MEIKIN: variants seen among roughly 807,000 people sequenced by gnomAD.
MEIKIN encodes meiotic kinetochore factor.
rs572984038 is a variant in MEIKIN at position 131,845,242 on chromosome 5, C to A, written c.975+6022G>T. Among the ~76,000 whole-genome samples, 31 of 134,094 alleles carry A rather than the reference C, an allele frequency of 2.3e-4. No homozygotes were observed. The East Asian group carries it at 5.8e-3, about 25-fold the overall frequency. 88.0% of individuals were successfully genotyped at this position (134,094 alleles called of 152,430 possible). A position where few individuals can be genotyped will look rare whatever the true frequency, so the allele number is the denominator to read the frequency against. ...CCGAGATGGCACCACTGCACTCCAG[C>A]CTGGGTGACAGAGCGAGAAGACTTC... On this transcript the variant is annotated intron_variant, in intron 11 of 12. Transcript: ENST00000442687.
chr5:131,810,927 C>A (rs1772941307), intron 12 of MEIKIN, among the ~76,000 whole-genome samples: 1 of 152,160 alleles, frequency 6.6e-6, no homozygotes, highest in African/African-American at 2.4e-5. Context: ...GCCAAAATAG[C>A]TAAAACTTTA....
intron 6 of MEIKIN, among the ~76,000 whole-genome samples, chr5:131,919,591 T>G (rs747692102): frequency 2.8e-4 from 43 of 152,142 alleles, no homozygotes; most frequent in Non-Finnish European, 4.9e-4. Context: ...GTGGAGTGAT[T>G]TCCAGTACAT....
intron 8 of MEIKIN, among the ~76,000 whole-genome samples, chr5:131,888,693 G>T (rs1473972274): frequency 1.3e-5 from 2 of 152,132 alleles, no homozygotes; most frequent in African/African-American, 4.8e-5. Context: ...TTCTTTTGCT[G>T]TGCAGAAGCT....
intron 10 of MEIKIN, among the ~76,000 whole-genome samples, chr5:131,853,133 G>C (rs926723494): frequency 6.6e-6 from 1 of 152,118 alleles, no homozygotes; most frequent in African/African-American, 2.4e-5. Context: ...ATTGCTTATG[G>C]TAAAAATAAT....
At chr5:131,916,178 G>A (rs1751413307) in intron 7 of MEIKIN, among the ~76,000 whole-genome samples, 1 of 152,044 alleles carries the variant, frequency 6.6e-6, no homozygotes, top group Non-Finnish European at 1.5e-5. Context: ...ATTATAAATT[G>A]TGGAAGGAAT....
At chr5:131,823,501 T>G (rs1268368899) in intron 11 of MEIKIN, among the ~76,000 whole-genome samples, 1 of 152,046 alleles carries the variant, frequency 6.6e-6, no homozygotes, top group Non-Finnish European at 1.5e-5. Context: ...TATGCCAAAT[T>G]GCAGTTTTCA....
At position 131,807,111 on chromosome 5, in the gene MEIKIN, T is replaced by A; in HGVS notation, c.*125A>T. 2 of 396,238 alleles carry A rather than the reference T, an allele frequency of 5.0e-6. No homozygotes were observed. The highest frequency in any genetic ancestry group is 8.9e-6 in the Non-Finnish European group (2 of 224,942). The allele number at this position is 396,238 out of a possible 1,614,324, so 24.5% of individuals were successfully genotyped here. ...AGTAGAATTTCAACATAGAGATATATCACAAATAACTGGAGAATTTTTAAT... is the reference window on the plus strand; with the variant it reads ...AGTAGAATTTCAACATAGAGATATAACACAAATAACTGGAGAATTTTTAAT... On this transcript the variant is annotated 3_prime_UTR_variant, in exon 13 of 13. Transcript: ENST00000442687.
intron 8 of MEIKIN, among the ~76,000 whole-genome samples, chr5:131,899,383 T>A (rs1025008518): frequency 5.3e-5 from 8 of 151,348 alleles, no homozygotes; most frequent in African/African-American, 1.9e-4. Context: ...CTAGAGTAAA[T>A]CACCTTCATT....
At chr5:131,808,585 T>C (rs550751236) in intron 12 of MEIKIN, among the ~76,000 whole-genome samples, 12 of 152,290 alleles carry the variant, frequency 7.9e-5, no homozygotes, top group Admixed American at 3.3e-4. Flanking sequence ...CCTGAGGCGA[T>C]TACTTGGGAA....
chr5:131,916,826 T>C (rs1303965918), intron 7 of MEIKIN, 60 bp downstream of exon 7: 1 of 395,274 alleles, frequency 2.5e-6, no homozygotes, highest in Non-Finnish European at 4.5e-6. Context: ...ATATTTGCTA[T>C]ATAACTATTA....
At chr5:131,839,868 T>A (rs946391161) in intron 11 of MEIKIN, among the ~76,000 whole-genome samples, 12 of 152,218 alleles carry the variant, frequency 7.9e-5, no homozygotes, top group Admixed American at 2.0e-4. Flanking sequence ...CATATTGAAA[T>A]GTATGGATTT....
At chr5:131,821,611 T>C (rs1374742987) in intron 11 of MEIKIN, among the ~76,000 whole-genome samples, 1 of 151,552 alleles carries the variant, frequency 6.6e-6, no homozygotes, top group African/African-American at 2.4e-5. Context: ...TCTCTAGCTA[T>C]TGTTATATTG....
At chr5:131,880,611 T>C (rs1382726850) in intron 8 of MEIKIN, among the ~76,000 whole-genome samples, 1 of 152,242 alleles carries the variant, frequency 6.6e-6, no homozygotes, top group Non-Finnish European at 1.5e-5. Flanking sequence ...TAGGTTTCAA[T>C]AGCATTTCAA....
intron 8 of MEIKIN, among the ~76,000 whole-genome samples, chr5:131,907,825 T>C (rs1751268338): frequency 1.3e-5 from 2 of 151,994 alleles, no homozygotes; most frequent in South Asian, 4.2e-4. Flanking sequence ...TGAGCTGAGA[T>C]TGTGCCACTG....
intron 11 of MEIKIN, among the ~76,000 whole-genome samples, chr5:131,842,409 T>C (rs868545711): frequency 6.6e-6 from 1 of 152,234 alleles, no homozygotes; most frequent in African/African-American, 2.4e-5. Flanking sequence ...TTCAGCTTTT[T>C]ATCATTGAGT....
chr5:131,944,858 A>C (rs1295479815), intron 2 of MEIKIN, 106 bp from the exon 3 acceptor site: 7 of 398,424 alleles, frequency 1.8e-5, no homozygotes, highest in Non-Finnish European at 3.1e-5. Flanking sequence ...CATCTTTAGG[A>C]AGAAGTAAGG....
intron 11 of MEIKIN, among the ~76,000 whole-genome samples, chr5:131,850,218 T>C (rs892813463): frequency 2.0e-5 from 3 of 152,204 alleles, no homozygotes; most frequent in African/African-American, 7.2e-5. Context: ...CCCATGTTTA[T>C]GGATTGGAAG....
intron 12 of MEIKIN, among the ~76,000 whole-genome samples, chr5:131,807,734 T>C (rs571760823): frequency 6.6e-6 from 1 of 152,372 alleles, no homozygotes; most frequent in East Asian, 1.9e-4. Flanking sequence ...TCTGGGGCCT[T>C]TGCCCCCACA....
rs1183472224 is a variant in MEIKIN at position 131,835,063 on chromosome 5, A to G, written c.976-16200T>C. ...TGATTAGTGATGTTGAGCTCTTCAT[A>G]TAAGTGTTGGCCATTTGTATGTCTT... On this transcript the variant is annotated intron_variant, in intron 11 of 12. Transcript: ENST00000442687. Among the ~76,000 whole-genome samples the G allele has an allele frequency of 2.6e-5, 4 of 152,188 alleles. No homozygotes were observed. In the East Asian group the frequency reaches 7.7e-4, roughly 29 times the overall value.
Sources: allele counts gnomAD v4.1 joint callset (sites outside exome capture counted in the v4.1 genomes callset), GRCh38; gene constraint gnomAD v4.1.1; transcripts MANE v1.5; gene names NCBI Gene and HGNC (gene_info 2026-07-23, HGNC 2026-07-21).